DMAC2: variants seen among roughly 807,000 people sequenced by gnomAD.
The protein encoded by DMAC2 is distal membrane arm assembly component 2, also known as distal membrane-arm assembly complex protein 2.
In DMAC2, 32 loss-of-function variants were observed where a neutral mutation model predicts 29.6. That is an observed-to-expected ratio of 1.08 (90% CI 0.81 to 1.45). DMAC2 has a LOEUF of 1.45. DMAC2 is among the 40% of genes most tolerant of loss of function. DMAC2 has a pLI of 0.00. For synonymous variants in DMAC2, 133 were observed against 137.4 expected, an observed-to-expected ratio of 0.97 and a Z score of 0.23; for missense variants, 319 against 340.0, an observed-to-expected ratio of 0.94 and a Z score of 0.49.
At chr19:41,435,058 T>C (rs1460061648) in intron 3 of DMAC2, among the ~76,000 whole-genome samples, 5 of 151,856 alleles carry the variant, frequency 3.3e-5, no homozygotes, top group African/African-American at 1.2e-4. Flanking sequence ...GCTTCTTACA[T>C]TGCAAAATCA....
rs148395303 is a variant in DMAC2 at position 41,433,300 on chromosome 19, G to T, written c.568C>A (p.Arg190=). The T allele has an allele frequency of 1.9e-6, 3 of 1,610,668 alleles. No individual in the cohort carries two copies. The highest frequency in any genetic ancestry group is 2.5e-6 in the Non-Finnish European group (3 of 1,179,780). The change falls in exon 5 of 6, where the codon CGG becomes AGG. Residue 190 remains arginine (R), a synonymous_variant. Coordinates refer to ENST00000221943, the MANE Select transcript of DMAC2 (RefSeq NM_018035.3). Reference sequence around the variant, plus strand: ...AGGTGGTGGAGGCAGGCGAGGCCCCGTTCGGAGATGCGGGGGCAACCGGCC... The same window carrying T: ...AGGTGGTGGAGGCAGGCGAGGCCCCTTTCGGAGATGCGGGGGCAACCGGCC... ...SLAGCPRISE[R]GLACLHHLQN... is the part of the protein sequence containing the mutation.
intron 5 of DMAC2, chr19:41,432,630 G>C: frequency 3.7e-6 from 2 of 542,526 alleles, no homozygotes; most frequent in Non-Finnish European, 6.7e-6. Context: ...GTGTGTGTGT[G>C]TGTGTAGGGA....
intron 3 of DMAC2, among the ~76,000 whole-genome samples, chr19:41,434,287 G>A (rs536940296): frequency 5.3e-5 from 8 of 150,716 alleles, no homozygotes; most frequent in Admixed American, 5.3e-4. Flanking sequence ...TTGCACCTGT[G>A]GTCTCAGCTA....
intron 2 of DMAC2, among the ~76,000 whole-genome samples, chr19:41,436,767 C>A (rs2039884764): frequency 6.6e-6 from 1 of 152,140 alleles, no homozygotes; most frequent in Non-Finnish European, 1.5e-5. Flanking sequence ...ATGTCAATTC[C>A]ATGACCAAAC....
At chr19:41,438,734 T>C (rs1229317673) in intron 1 of DMAC2, among the ~76,000 whole-genome samples, 1 of 152,136 alleles carries the variant, frequency 6.6e-6, no homozygotes, top group African/African-American at 2.4e-5. Flanking sequence ...TCCACAGATT[T>C]GCCCCTTAAT....
Sources: allele counts gnomAD v4.1 joint callset (sites outside exome capture counted in the v4.1 genomes callset), GRCh38; gene constraint gnomAD v4.1.1; transcripts MANE v1.5; gene names NCBI Gene and HGNC (gene_info 2026-07-23, HGNC 2026-07-21).